Variants in FCHSD2 observed in about 807,000 individuals in gnomAD.
FCHSD2 encodes F-BAR and double SH3 domains protein 2.
Under a neutral mutation model 108.1 loss-of-function variants are expected in FCHSD2, and 38 were observed. The observed-to-expected ratio is 0.35, with a 90% confidence interval of 0.27 to 0.46. The LOEUF (loss-of-function observed/expected upper bound fraction) is 0.46. Among genes scored for constraint, FCHSD2 ranks in the 20% least tolerant of loss-of-function variants. FCHSD2 has a pLI of 1.00. For synonymous variants in FCHSD2, 279 were observed against 314.7 expected (o/e 0.89, Z 1.20); for missense variants, 751 against 897.8 (o/e 0.84, Z 2.09).
At chr11:72,852,955 CAA>C (rs1861329981) in intron 13 of FCHSD2, among the ~76,000 whole-genome samples, 2 of 152,008 alleles carry the variant, frequency 1.3e-5, no homozygotes, top group Non-Finnish European at 1.5e-5. Flanking sequence ...CTCATGGACA[CAA>C]AGAGGGGAAC....
intron 3 of FCHSD2, among the ~76,000 whole-genome samples, chr11:73,039,086 A>T (rs1371561792): frequency 6.6e-6 from 1 of 152,144 alleles, no homozygotes; most frequent in Non-Finnish European, 1.5e-5. Context: ...ATCACTGTTT[A>T]TTTTTATCTG....
At chr11:73,073,833 AT>A (rs199841948) in intron 3 of FCHSD2, among the ~76,000 whole-genome samples, 2 of 151,712 alleles carry the variant, frequency 1.3e-5, no homozygotes, top group East Asian at 1.9e-4. Context: ...ATGTGCAAGG[AT>A]TTTTTTTTCT....
At chr11:73,006,883 T>TG (rs1443101651) in intron 4 of FCHSD2, among the ~76,000 whole-genome samples, 1 of 152,248 alleles carries the variant, frequency 6.6e-6, no homozygotes, top group Non-Finnish European at 1.5e-5. Context: ...GAAGGAATGA[T>TG]GGAGCCTAGA....
chr11:72,927,590 T>C (rs1386772392), intron 8 of FCHSD2, among the ~76,000 whole-genome samples: 1 of 152,194 alleles, frequency 6.6e-6, no homozygotes, highest in Non-Finnish European at 1.5e-5. Context: ...CACAAATTGT[T>C]GGGCCCCACC....
intron 9 of FCHSD2, among the ~76,000 whole-genome samples, chr11:72,908,095 A>G (rs1471521205): frequency 6.6e-6 from 1 of 152,060 alleles, no homozygotes; most frequent in Non-Finnish European, 1.5e-5. Context: ...ATTTGTTTTA[A>G]TTTTTTAACT....
intron 4 of FCHSD2, among the ~76,000 whole-genome samples, chr11:73,015,380 A>T (rs1049294431): frequency 6.6e-6 from 1 of 152,146 alleles, no homozygotes; most frequent in African/African-American, 2.4e-5. Flanking sequence ...TTTCCCCCCT[A>T]GTCTCACAAA....
intron 3 of FCHSD2, among the ~76,000 whole-genome samples, chr11:73,025,687 A>C (rs539938822): frequency 6.6e-6 from 1 of 152,176 alleles, no homozygotes; most frequent in African/African-American, 2.4e-5. Context: ...AAATTTTTTA[A>C]ATCTCCTTGG....
chr11:72,977,977 A>G (rs1355729058), intron 8 of FCHSD2, among the ~76,000 whole-genome samples: 3 of 152,260 alleles, frequency 2.0e-5, no homozygotes, highest in Non-Finnish European at 4.4e-5. Context: ...AATACTATGC[A>G]GTCATAAAAA....
chr11:72,856,437 T>C (rs1022571366), intron 13 of FCHSD2, among the ~76,000 whole-genome samples: 2 of 152,228 alleles, frequency 1.3e-5, no homozygotes, highest in African/African-American at 4.8e-5. Flanking sequence ...TACAATTCTA[T>C]AGCACTGTAT....
rs563176081 is a variant in FCHSD2, at chr11:73,072,365, A to G, written c.165+11330T>C. Among the ~76,000 whole-genome samples, 141 of 152,212 alleles carry G rather than the reference A, an allele frequency of 9.3e-4. 1 individual carries two copies. The highest frequency in any genetic ancestry group is 3.2e-3 in the African/African-American group (134 of 41,532). On this transcript the variant is annotated intron_variant, in intron 3 of 19. Coordinates refer to ENST00000409418, the MANE Select transcript of FCHSD2 (RefSeq NM_014824.3). ...ATGTCCCCAAGAGTACTAACATTTAATTATAGCCACCATTTCTTTAATGAA... is the reference window on the plus strand; with the variant it reads ...ATGTCCCCAAGAGTACTAACATTTAGTTATAGCCACCATTTCTTTAATGAA...
intron 8 of FCHSD2, among the ~76,000 whole-genome samples, chr11:72,948,511 T>C (rs1224624335): frequency 4.6e-5 from 7 of 152,190 alleles, no homozygotes; most frequent in Admixed American, 3.9e-4. Flanking sequence ...ACAAAGAATA[T>C]AGTTTATTTT....
Position 72,982,286 on chromosome 11 carries a change from A to C in FCHSD2, c.705+1802T>G, listed in dbSNP as rs113958825. On this transcript the variant is annotated intron_variant, in intron 8 of 19. Transcript: ENST00000409418. ...CTCTACTTTCAAGGAAAGAACTTGC[A>C]GTTTCTGGCCAGAGTTGACCTCTTT... Among the ~76,000 whole-genome samples the C allele has an allele frequency of 4.5e-3, 686 of 152,306 alleles. 2 individuals are homozygous for C. The highest frequency in any genetic ancestry group is 0.015 in the African/African-American group (637 of 41,562).
intron 2 of FCHSD2, among the ~76,000 whole-genome samples, chr11:73,111,463 CT>C (rs35943868): frequency 0.37 from 52,204 of 141,964 alleles, 10,354 homozygotes; most frequent in African/African-American, 0.55. Context: ...TTTCTCCATC[CT>C]TTTTTTTTTT....
chr11:73,087,890 T>C (rs1243799674), intron 2 of FCHSD2, among the ~76,000 whole-genome samples: 1 of 152,108 alleles, frequency 6.6e-6, no homozygotes, highest in Non-Finnish European at 1.5e-5. Flanking sequence ...TACACAGTAA[T>C]ACCATTTTTC....
rs1331735901 is a variant in FCHSD2 at position 73,142,317 on chromosome 11, C to T, written c.-440G>A. ...ACCCACTCAGGCGGCCCGGCCCTCG[C>T]TGGGCCTAACGCCCCCGCCCGCCCG... On this transcript the variant is annotated 5_prime_UTR_variant, in exon 1 of 20. Transcript: ENST00000409418. 6.6e-6 allele frequency: 1 copy of T among 151,512 alleles called. No individual in the cohort carries two copies. The highest frequency in any genetic ancestry group is 2.4e-5 in the African/African-American group (1 of 41,318). The allele number at this position is 151,512 out of a possible 1,614,324, so 9.4% of individuals were successfully genotyped here.
intron 2 of FCHSD2, among the ~76,000 whole-genome samples, chr11:73,137,021 T>G (rs1374294359): frequency 6.6e-6 from 1 of 151,996 alleles, no homozygotes; most frequent in African/African-American, 2.4e-5. Flanking sequence ...GAGCGAGACT[T>G]TGTCTCAAAA....
chr11:73,068,205 T>C (rs1180379810), intron 3 of FCHSD2, among the ~76,000 whole-genome samples: 1 of 151,986 alleles, frequency 6.6e-6, no homozygotes, highest in East Asian at 1.9e-4. Context: ...GTACCCCAAA[T>C]AAATGAAGAA....
At chr11:73,020,380 A>G (rs1366306653) in intron 3 of FCHSD2, among the ~76,000 whole-genome samples, 1 of 152,148 alleles carries the variant, frequency 6.6e-6, no homozygotes, top group Non-Finnish European at 1.5e-5. Context: ...TAATATTTAA[A>G]TTTTACTAAG....
At chr11:73,087,720 A>T (rs758622430) in intron 2 of FCHSD2, among the ~76,000 whole-genome samples, 3,996 of 151,712 alleles carry the variant, frequency 0.026, 123 homozygotes, top group African/African-American at 0.075. Context: ...AAAAAAAAAA[A>T]TTTTTAAAAT....
Sources: gnomAD v4.1 joint callset for allele counts (sites outside exome capture counted in the v4.1 genomes callset) on GRCh38, gnomAD v4.1.1 for gene constraint, MANE v1.5 for transcripts, NCBI Gene and HGNC (gene_info 2026-07-23, HGNC 2026-07-21) for gene names.